The following SLC12A6 variants were observed in gnomAD, a reference collection of about 807,000 sequenced individuals.
SLC12A6 encodes K-Cl cotransporter 3.
Under a neutral mutation model 135.3 loss-of-function variants are expected in SLC12A6, and 66 were observed. The observed-to-expected ratio is 0.49, with a 90% CI of 0.40 to 0.60. The LOEUF (loss-of-function observed/expected upper bound fraction) is 0.60, where lower values mean the gene tolerates loss of function less well. Ranked by LOEUF, SLC12A6 falls within the 20% of genes least tolerant of loss-of-function variation. The pLI, the probability that SLC12A6 is intolerant of heterozygous loss-of-function variation, is 0.00. For synonymous variants in SLC12A6, 513 were observed against 508.8 expected (o/e 1.01, Z -0.11); for missense variants, 1,058 against 1,452.3 (o/e 0.73, Z 4.41).
Position 34,238,270 on chromosome 15 carries a change from T to A in SLC12A6, c.2764A>T (p.Met922Leu). The change falls in exon 21 of 26, where the codon ATG (methionine) becomes TTG (leucine). Residue 922 changes from methionine (M) to leucine (L), a missense_variant. Transcript: ENST00000354181. ...AGTAGGAATGGTAGTAGCATAAGCA[T>A]CCCCCCATCATGCACAATCCACCAC... ...DVWWIVHDGG[M>L]LMLLPFLLKQ... is the part of the protein sequence containing the mutation. 1 of 1,613,640 alleles carries A rather than the reference T, an allele frequency of 6.2e-7. No homozygotes were observed. Among genetic ancestry groups the A allele is most frequent in the South Asian group, 1.1e-5 (1 of 91,072 alleles).
At chr15:34,319,258 C>G (rs1402009375) in intron 2 of SLC12A6, among the ~76,000 whole-genome samples, 1 of 151,588 alleles carries the variant, frequency 6.6e-6, no homozygotes, top group African/African-American at 2.4e-5. Flanking sequence ...GCCTCAGCCT[C>G]ACGAGTAGCT....
chr15:34,274,538 G>A (rs1027857090), intron 3 of SLC12A6, among the ~76,000 whole-genome samples: 2 of 152,154 alleles, frequency 1.3e-5, no homozygotes, highest in Non-Finnish European at 2.9e-5. Flanking sequence ...GTCAAGGCCG[G>A]GTGCAGTGGC....
intron 23 of SLC12A6, 115 bp downstream of exon 23, chr15:34,236,593 C>T (rs759849009): frequency 2.0e-5 from 15 of 751,230 alleles, no homozygotes; most frequent in South Asian, 1.1e-4. Flanking sequence ...CCACCCGCCT[C>T]GGCCTCCAAA....
chr15:34,323,940 C>CAAAAAAAAAAAAA (rs144461318), intron 2 of SLC12A6, among the ~76,000 whole-genome samples: 25 of 130,980 alleles, frequency 1.9e-4, no homozygotes, highest in African/African-American at 6.7e-4. Flanking sequence ...GATCTTGTCT[C>CAAAAAAAAAAAAA]AAAAAAAAAA....
chr15:34,285,321 T>C (rs527360802), intron 2 of SLC12A6, among the ~76,000 whole-genome samples: 47 of 152,254 alleles, frequency 3.1e-4, no homozygotes, highest in African/African-American at 6.0e-4. Flanking sequence ...TTGACTAGCC[T>C]AGGTATGTTT....
chr15:34,264,292 AAC>A (rs1893350080), intron 3 of SLC12A6, among the ~76,000 whole-genome samples: 1 of 152,224 alleles, frequency 6.6e-6, no homozygotes. Context: ...AAGGTATGAC[AAC>A]ACAATCTCCT....
At chr15:34,287,751 T>C (rs1031780330) in intron 2 of SLC12A6, among the ~76,000 whole-genome samples, 2 of 152,254 alleles carry the variant, frequency 1.3e-5, no homozygotes, top group African/African-American at 4.8e-5. Context: ...TTTTTTCATA[T>C]GTCTGTTGGC....
intron 19 of SLC12A6, among the ~76,000 whole-genome samples, chr15:34,239,947 G>C (rs888763039): frequency 3.3e-5 from 5 of 152,106 alleles, no homozygotes; most frequent in Admixed American, 1.3e-4. Flanking sequence ...ATGAAATCCA[G>C]TAAAACTTTT....
At chr15:34,234,584 C>T (rs980321261) in intron 25 of SLC12A6, among the ~76,000 whole-genome samples, 2 of 152,040 alleles carry the variant, frequency 1.3e-5, no homozygotes, top group African/African-American at 2.4e-5. Context: ...GTTGGCCAGG[C>T]TGGTCTCGAA....
intron 2 of SLC12A6, among the ~76,000 whole-genome samples, chr15:34,294,153 C>T (rs1259388899): frequency 6.6e-6 from 1 of 152,126 alleles, no homozygotes; most frequent in African/African-American, 2.4e-5. Context: ...GAAGCAATAT[C>T]TATATTCTTT....
intron 2 of SLC12A6, among the ~76,000 whole-genome samples, chr15:34,315,463 T>C (rs1360949155): frequency 6.6e-6 from 1 of 152,168 alleles, no homozygotes; most frequent in African/African-American, 2.4e-5. Flanking sequence ...AGTACATGCC[T>C]GTAGTCCAAG....
At chr15:34,264,305 G>A (rs527509825) in intron 3 of SLC12A6, among the ~76,000 whole-genome samples, 58 of 152,270 alleles carry the variant, frequency 3.8e-4, no homozygotes, top group Non-Finnish European at 6.6e-4. Flanking sequence ...ACAATCTCCT[G>A]TAATACAATG....
chr15:34,264,700 A>G (rs1893376983), intron 3 of SLC12A6, among the ~76,000 whole-genome samples: 1 of 152,160 alleles, frequency 6.6e-6, no homozygotes. Flanking sequence ...TGATGTCTGG[A>G]ATTTTCTTTA....
intron 2 of SLC12A6, among the ~76,000 whole-genome samples, chr15:34,288,993 C>T (rs1212628147): frequency 6.6e-6 from 1 of 152,166 alleles, no homozygotes; most frequent in Admixed American, 6.6e-5. Flanking sequence ...TCTTGCCTGA[C>T]TGCCCTGGCC....
chr15:34,255,084 G>C (rs558698676), intron 8 of SLC12A6, among the ~76,000 whole-genome samples, 178 bp downstream of exon 8: 1 of 152,340 alleles, frequency 6.6e-6, no homozygotes, highest in South Asian at 2.1e-4. Context: ...GGAAGGGACA[G>C]GCAGGCAAAC....
chr15:34,271,276 T>C (rs970030253), intron 3 of SLC12A6, among the ~76,000 whole-genome samples: 1 of 152,170 alleles, frequency 6.6e-6, no homozygotes, highest in African/African-American at 2.4e-5. Context: ...GAAACTCAAC[T>C]TGATGAGGGG....
At chr15:34,295,132 T>A (rs1595519428) in intron 2 of SLC12A6, among the ~76,000 whole-genome samples, 1 of 152,270 alleles carries the variant, frequency 6.6e-6, no homozygotes, top group Non-Finnish European at 1.5e-5. Flanking sequence ...AGCAATCTCA[T>A]CCTATGCTGT....
At chr15:34,244,917 G>T (rs1891882003) in intron 15 of SLC12A6, among the ~76,000 whole-genome samples, 1 of 152,142 alleles carries the variant, frequency 6.6e-6, no homozygotes, top group African/African-American at 2.4e-5. Context: ...AGTTCCATAA[G>T]ATTGTGTCTT....
intron 2 of SLC12A6, among the ~76,000 whole-genome samples, chr15:34,276,237 A>C (rs1156903407): frequency 6.6e-6 from 1 of 152,246 alleles, no homozygotes. Context: ...TTATATTTTT[A>C]ATGACGAAGG....
Sources: allele counts gnomAD v4.1 joint callset (sites outside exome capture counted in the v4.1 genomes callset), GRCh38; gene constraint gnomAD v4.1.1; transcripts MANE v1.5; gene names NCBI Gene and HGNC (gene_info 2026-07-23, HGNC 2026-07-21).